The following FBXO7 variants were observed in gnomAD, a reference collection of about 807,000 sequenced individuals.
The protein encoded by FBXO7 is F-box protein 7, also known as F-box only protein 7.
Under a neutral mutation model 50.2 loss-of-function variants are expected in FBXO7, and 31 were observed. The observed-to-expected ratio is 0.62, with a 90% CI of 0.46 to 0.83. The LOEUF (loss-of-function observed/expected upper bound fraction) is 0.83, where lower values mean the gene tolerates loss of function less well. Ranked by LOEUF, FBXO7 falls within the 40% of genes least tolerant of loss-of-function variation. The pLI is 0.00. For missense variants in FBXO7, 667 were observed against 646.6 expected, an observed-to-expected ratio of 1.03 and a Z score of -0.34; for synonymous variants, 256 against 253.1, an observed-to-expected ratio of 1.01 and a Z score of -0.11.
At chr22:32,493,907 C>T (rs990840350) in intron 7 of FBXO7, among the ~76,000 whole-genome samples, 2 of 151,518 alleles carry the variant, frequency 1.3e-5, no homozygotes, top group Admixed American at 1.3e-4. Flanking sequence ...TGGAAAAATC[C>T]ATATTTATTT....
At chr22:32,491,438 G>T in intron 6 of FBXO7, 1 of 408,310 alleles carries the variant, frequency 2.4e-6, no homozygotes, top group Non-Finnish European at 4.4e-6. Context: ...ACCTAAGGTT[G>T]GGAATACCTT....
At position 32,491,197 on chromosome 22, in the gene FBXO7, CT is replaced by C; in HGVS notation, c.967+17del. On this transcript the variant is annotated intron_variant, in intron 6 of 8. Transcript: ENST00000266087. The stretch of plus-strand genomic sequence containing the variant: ...ACCCGACAAGGTAAGAGATGAAATA[CT>C]GTCACAATTTAAATGACTGTAAAGA... 1 of 1,506,378 alleles carries C rather than the reference CT, an allele frequency of 6.6e-7. No individual in the cohort carries two copies. The highest frequency in any genetic ancestry group is 1.1e-5 in the South Asian group (1 of 88,652). The allele number at this position is 1,506,378 out of a possible 1,614,324, so 93.3% of individuals were successfully genotyped here.
intron 2 of FBXO7, among the ~76,000 whole-genome samples, chr22:32,480,512 C>G (rs1438395341): frequency 6.6e-6 from 1 of 151,786 alleles, no homozygotes; most frequent in Non-Finnish European, 1.5e-5. Context: ...TCTTGCTGTT[C>G]ACCCAGACTG....
In FBXO7 at chr22:32,484,056, T is replaced by C; in HGVS notation, c.577T>C (p.Ser193Pro). The C allele has an allele frequency of 6.2e-7, 1 of 1,614,168 alleles. No homozygotes were observed. Among genetic ancestry groups the C allele is most frequent in the East Asian group, 2.2e-5 (1 of 44,874 alleles). The part of the protein sequence containing the change: ...LETLYQSADC[S>P]DANDALIVLI... ...GACCTTGTATCAATCAGCTGACTGT[T>C]CTGATGCCAATGATGCCTTGATAGT... The change falls in exon 3 of 9, where the codon TCT becomes CCT. Residue 193 changes from serine (S) to proline (P), a missense_variant. Physicochemically the swap from Ser to Pro is moderately conservative, Grantham distance 74 (BLOSUM62 -1). Transcript: ENST00000266087.
chr22:32,477,941 A>G (rs2057439421), intron 1 of FBXO7: 1 of 152,242 alleles, frequency 6.6e-6, no homozygotes, highest in African/African-American at 2.4e-5. Context: ...AGTAAATACG[A>G]TGTTTTCAAG....
chr22:32,476,569 A>G (rs1344349736), intron 1 of FBXO7, among the ~76,000 whole-genome samples: 1 of 152,150 alleles, frequency 6.6e-6, no homozygotes, highest in African/African-American at 2.4e-5. Context: ...AAGTATACTC[A>G]TTTTCTAATA....
At chr22:32,484,477 T>A (rs2057485665) in intron 3 of FBXO7, among the ~76,000 whole-genome samples, 1 of 152,202 alleles carries the variant, frequency 6.6e-6, no homozygotes, top group African/African-American at 2.4e-5. Flanking sequence ...GTTACAAAGA[T>A]ACAGAGTAGT....
chr22:32,478,908 T>TA, intron 1 of FBXO7, 73 bp from the exon 2 acceptor site: 2 of 1,327,784 alleles, frequency 1.5e-6, no homozygotes, highest in Non-Finnish European at 2.2e-6. Flanking sequence ...TGTACTTATG[T>TA]ATGCTTCAGA....
At chr22:32,476,122 G>A (rs1160701844) in intron 1 of FBXO7, among the ~76,000 whole-genome samples, 2 of 151,944 alleles carry the variant, frequency 1.3e-5, no homozygotes, top group Admixed American at 6.6e-5. Flanking sequence ...GTAAAATGAG[G>A]CCGTTATTCT....
At chr22:32,481,681 A>G (rs1382977064) in intron 2 of FBXO7, among the ~76,000 whole-genome samples, 5 of 152,104 alleles carry the variant, frequency 3.3e-5, no homozygotes, top group African/African-American at 1.2e-4. Flanking sequence ...CATAGGAGGT[A>G]AATTTACTCT....
At chr22:32,483,127 T>C (rs890902976) in intron 2 of FBXO7, among the ~76,000 whole-genome samples, 3 of 152,228 alleles carry the variant, frequency 2.0e-5, no homozygotes, top group Non-Finnish European at 2.9e-5. Context: ...AAATCTAGTT[T>C]CATGAGATGG....
chr22:32,491,370 C>T, intron 6 of FBXO7, 189 bp downstream of exon 6: 1 of 544,884 alleles, frequency 1.8e-6, no homozygotes, highest in Non-Finnish European at 3.2e-6. Flanking sequence ...CCATTTTGTA[C>T]ATATTTTTAT....
At chr22:32,496,285 A>G (rs967842544) in intron 8 of FBXO7, among the ~76,000 whole-genome samples, 14 of 152,310 alleles carry the variant, frequency 9.2e-5, no homozygotes, top group African/African-American at 2.6e-4. Context: ...GTTGGAGACC[A>G]TCTTGGCTAA....
At chr22:32,483,507 G>A (rs1568974067) in intron 2 of FBXO7, among the ~76,000 whole-genome samples, 1 of 152,196 alleles carries the variant, frequency 6.6e-6, no homozygotes, top group African/African-American at 2.4e-5. Context: ...TACTTGCAAC[G>A]GAAGCTCTTG....
rs537381228 is a variant in FBXO7, at chr22:32,478,992, G to T, written c.134G>T (p.Arg45Leu). The T allele has an allele frequency of 1.2e-6, 2 of 1,614,174 alleles. No homozygotes were observed. The highest frequency in any genetic ancestry group is 3.3e-5 in the Admixed American group (2 of 60,024). ...LCTWGYSSNT[R>L]FTITLNYKDP... ...GTCTTTCTTGGCAGTTCTAATACCC[G>T]ATTTACAATTACATTGAACTACAAG... Residue 45 changes from arginine (R) to leucine (L), a missense_variant, in exon 2 of 9, where the codon CGA becomes CTA. By Grantham distance (102) the Arg-to-Leu change is moderately radical. Transcript: ENST00000266087.
intron 8 of FBXO7, among the ~76,000 whole-genome samples, chr22:32,496,913 A>G (rs1211503012): frequency 6.6e-6 from 1 of 152,266 alleles, no homozygotes; most frequent in Non-Finnish European, 1.5e-5. Flanking sequence ...GCCATTAAGC[A>G]TACTGAGGAT....
chr22:32,489,973 G>A (rs1049560929), intron 5 of FBXO7: 2 of 152,172 alleles, frequency 1.3e-5, no homozygotes, highest in Non-Finnish European at 2.9e-5. Context: ...AAGCCCTTGA[G>A]CCAAATTGAT....
intron 3 of FBXO7, 33 bp from the exon 4 acceptor site, chr22:32,485,035 C>T (rs755983929): frequency 1.2e-6 from 2 of 1,613,870 alleles, no homozygotes; most frequent in South Asian, 2.2e-5. Context: ...CACCTTTCTT[C>T]ATTATTTGTT....
rs779008559 is a variant in FBXO7 at position 32,487,749 on chromosome 22, A to C, written c.792A>C (p.Thr264=). The change falls in exon 5 of 9, where the codon ACA becomes ACC. Residue 264 remains threonine (T), a synonymous_variant. Coordinates refer to ENST00000266087, the MANE Select transcript of FBXO7 (RefSeq NM_012179.4). ...CTTTCTTTTGTTTATTTACAGCTAC[A>C]CTAAAAATCAACAATGAGATTAGAA... ...PLGNLIVVNA[T]LKINNEIRSV... The C allele has an allele frequency of 1.9e-6, 3 of 1,596,974 alleles. No homozygotes were observed. Among genetic ancestry groups the C allele is most frequent in the South Asian group, 2.2e-5 (2 of 90,440 alleles).
Sources: gnomAD v4.1 joint callset for allele counts (sites outside exome capture counted in the v4.1 genomes callset) on GRCh38, gnomAD v4.1.1 for gene constraint, MANE v1.5 for transcripts, NCBI Gene and HGNC (gene_info 2026-07-23, HGNC 2026-07-21) for gene names.